The following NAV3 variants were observed in gnomAD, a reference collection of about 807,000 sequenced individuals.
NAV3 encodes the protein pore membrane and/or filament interacting like protein 1.
A neutral mutation model predicts 244.7 loss-of-function variants in NAV3; 87 were observed. The ratio of observed to expected loss-of-function variants is 0.36; its 90% CI spans 0.30 to 0.42. The LOEUF (loss-of-function observed/expected upper bound fraction) is 0.42, where lower values mean the gene tolerates loss of function less well. Ranked by LOEUF, NAV3 falls within the 20% of genes least tolerant of loss-of-function variation. The probability of loss-of-function intolerance (pLI) is 1.00; values close to 1 mark genes in which losing one functional copy is unlikely to be tolerated. For missense variants in NAV3, 2,663 were observed against 2,893.3 expected (o/e 0.92, Z 1.83); for synonymous variants, 1,126 against 1,042.2 (o/e 1.08, Z -1.55).
chr12:77,944,614 G>A (rs193035258), intron 3 of NAV3, among the ~76,000 whole-genome samples: 15 of 152,136 alleles, frequency 9.9e-5, no homozygotes, highest in Non-Finnish European at 1.9e-4. Context: ...AAAGAGTATT[G>A]GTTAGAATAT....
chr12:77,840,736 C>T (rs979976531), intron 1 of NAV3, among the ~76,000 whole-genome samples: 2 of 152,166 alleles, frequency 1.3e-5, no homozygotes, highest in African/African-American at 2.4e-5. Flanking sequence ...TAACTCTGGT[C>T]AAACAGCCGT....
intron 2 of NAV3, among the ~76,000 whole-genome samples, chr12:77,595,841 A>C (rs927661919): frequency 1.3e-5 from 2 of 152,184 alleles, no homozygotes; most frequent in East Asian, 3.8e-4. Flanking sequence ...TATGAAGTAT[A>C]TTTGCTTTGC....
chr12:78,089,653 T>G lies in NAV3; in HGVS notation c.2637-27119T>G, dbSNP rs976302155. Reference sequence around the variant, plus strand: ...TATCAGTTGGTTACAGGATCAAGAATGGAAATTAGAACTCAAGGTATGATG... The same window carrying G: ...TATCAGTTGGTTACAGGATCAAGAAGGGAAATTAGAACTCAAGGTATGATG... On this transcript the variant is annotated intron_variant, in intron 12 of 39. Coordinates refer to ENST00000397909, the MANE Select transcript of NAV3 (RefSeq NM_001024383.2). Among the ~76,000 whole-genome samples, 6 of 152,258 alleles carry G rather than the reference T, an allele frequency of 3.9e-5. No individual in the cohort carries two copies. The South Asian group carries it at 1.0e-3, about 26-fold the overall frequency.
At chr12:77,727,430 A>AT (rs35899693) in intron 2 of NAV3, among the ~76,000 whole-genome samples, 228 of 148,920 alleles carry the variant, frequency 1.5e-3, no homozygotes, top group Middle Eastern at 3.4e-3. Context: ...AAGAGGAACA[A>AT]TTTTTTTTTT....
intron 2 of NAV3, among the ~76,000 whole-genome samples, chr12:77,681,485 A>G (rs1417031954): frequency 7.2e-5 from 11 of 152,240 alleles, no homozygotes; most frequent in Admixed American, 7.2e-4. Flanking sequence ...TTACTCTATT[A>G]CAAAAATGAC....
intron 3 of NAV3, among the ~76,000 whole-genome samples, chr12:77,964,979 A>G (rs1565966507): frequency 6.6e-6 from 1 of 152,098 alleles, no homozygotes; most frequent in Non-Finnish European, 1.5e-5. Flanking sequence ...ATTTTCTTTA[A>G]GAGACATTTT....
intron 1 of NAV3, among the ~76,000 whole-genome samples, chr12:77,933,446 T>C (rs1565934199): frequency 6.6e-6 from 1 of 152,284 alleles, no homozygotes; most frequent in East Asian, 1.9e-4. Flanking sequence ...TCAATTTATG[T>C]TTACTTTATA....
Position 78,180,864 on chromosome 12 carries a change from A to T in NAV3, c.5518-7A>T, listed in dbSNP as rs767221257. 1 of 1,609,678 alleles carries T rather than the reference A, an allele frequency of 6.2e-7. No individual in the cohort carries two copies. Among genetic ancestry groups the T allele is most frequent in the South Asian group, 1.1e-5 (1 of 90,618 alleles). On this transcript the variant is annotated splice_polypyrimidine_tract_variant and splice_region_variant and intron_variant, in intron 29 of 39. Transcript: ENST00000397909. ...AGTTTTTTTCATGTTTTCCATCTTC[A>T]TAACAGAATGAAATTGAAATACTGA...
chr12:77,582,957 CAAT>C (rs1869437062), intron 2 of NAV3, among the ~76,000 whole-genome samples: 1 of 152,202 alleles, frequency 6.6e-6, no homozygotes, highest in South Asian at 2.1e-4. Context: ...GTCTGACACA[CAAT>C]GAGGGTAAGA....
chr12:78,043,145 T>C (rs1479952560), intron 9 of NAV3, among the ~76,000 whole-genome samples: 1 of 152,130 alleles, frequency 6.6e-6, no homozygotes, highest in African/African-American at 2.4e-5. Context: ...CCATGTGTTC[T>C]CATTGTTCAA....
intron 2 of NAV3, among the ~76,000 whole-genome samples, chr12:77,804,821 A>T (rs972852916): frequency 7.2e-5 from 11 of 151,832 alleles, no homozygotes; most frequent in African/African-American, 2.7e-4. Context: ...ATGTTTTTCC[A>T]TTTGTTTGTG....
chr12:78,028,838 G>A (rs144951242), intron 9 of NAV3, among the ~76,000 whole-genome samples: 333 of 152,264 alleles, frequency 2.2e-3, no homozygotes, highest in African/African-American at 7.7e-3. Flanking sequence ...CAATGTTTAT[G>A]CCATGTACTT....
intron 9 of NAV3, chr12:78,036,725 C>CTAGAATCT: frequency 1.7e-6 from 1 of 588,890 alleles, no homozygotes; most frequent in Non-Finnish European, 3.0e-6. Context: ...TACTATATCT[C>CTAGAATCT]TAGAATCTTC....
chr12:77,922,022 T>C (rs1417023683), intron 1 of NAV3, among the ~76,000 whole-genome samples: 2 of 152,148 alleles, frequency 1.3e-5, no homozygotes, highest in African/African-American at 4.8e-5. Context: ...TATGACTTAG[T>C]GGAAACAGTG....
intron 1 of NAV3, among the ~76,000 whole-genome samples, chr12:77,895,607 TA>T (rs201701809): frequency 0.014 from 2,110 of 152,204 alleles, 28 homozygotes; most frequent in Non-Finnish European, 0.023. Context: ...GAGCTATGTA[TA>T]AAACATGCTA....
chr12:78,000,003 ATAGACT>A (rs1872973388), intron 7 of NAV3, among the ~76,000 whole-genome samples: 1 of 152,234 alleles, frequency 6.6e-6, no homozygotes, highest in Non-Finnish European at 1.5e-5. Context: ...ATGTTTGTAA[ATAGACT>A]TAGAAATGCA....
chr12:77,945,794 C>A (rs1392162974), intron 3 of NAV3, among the ~76,000 whole-genome samples: 2 of 151,842 alleles, frequency 1.3e-5, no homozygotes, highest in Admixed American at 6.6e-5. Flanking sequence ...GTCGCCCAAG[C>A]TGGAGTAAAA....
intron 1 of NAV3, among the ~76,000 whole-genome samples, chr12:77,911,974 T>C (rs930405868): frequency 6.6e-6 from 1 of 152,110 alleles, no homozygotes; most frequent in African/African-American, 2.4e-5. Flanking sequence ...TGTGTCATTC[T>C]GGAAAAGTAG....
intron 2 of NAV3, chr12:77,783,302 A>G (rs11106684): frequency 0.97 from 146,899 of 152,150 alleles, 71,137 homozygotes; most frequent in East Asian, 1. Context: ...CATGGAGACC[A>G]TGACTGTGAA....
Sources: allele counts gnomAD v4.1 joint callset (sites outside exome capture counted in the v4.1 genomes callset), GRCh38; gene constraint gnomAD v4.1.1; transcripts MANE v1.5; gene names NCBI Gene and HGNC (gene_info 2026-07-23, HGNC 2026-07-21).